ZBTB20: variants seen among roughly 807,000 people sequenced by gnomAD.
ZBTB20 encodes the protein zinc finger and BTB domain containing 20.
ZBTB20 carries 9 observed loss-of-function variants against 56.9 expected under a neutral mutation model. The ratio of observed to expected loss-of-function variants is 0.16; its 90% confidence interval spans 0.10 to 0.28. ZBTB20 has a LOEUF of 0.28. ZBTB20 is among the 10% of genes least tolerant of loss of function. The pLI is 1.00. For missense variants in ZBTB20, 655 were observed against 1,003.0 expected, an observed-to-expected ratio of 0.65 and a Z score of 4.69; for synonymous variants, 417 against 420.7, an observed-to-expected ratio of 0.99 and a Z score of 0.11.
chr3:114,613,533 G>C (rs1280652466), intron 6 of ZBTB20, among the ~76,000 whole-genome samples: 1 of 152,134 alleles, frequency 6.6e-6, no homozygotes, highest in Non-Finnish European at 1.5e-5. Flanking sequence ...AATAAGATGA[G>C]AGCAGCCAGA....
intron 4 of ZBTB20, among the ~76,000 whole-genome samples, chr3:114,869,704 C>A (rs1050368396): frequency 6.6e-6 from 1 of 152,172 alleles, no homozygotes; most frequent in African/African-American, 2.4e-5. Context: ...TCACAATAAA[C>A]TATATGTGTG....
At chr3:114,608,323 A>G (rs1347990922) in intron 6 of ZBTB20, among the ~76,000 whole-genome samples, 1 of 152,102 alleles carries the variant, frequency 6.6e-6, no homozygotes, top group African/African-American at 2.4e-5. Context: ...TATTTCCCAA[A>G]CTTCCCTAAT....
At chr3:115,145,984 C>T (rs2084953462) in intron 1 of ZBTB20, among the ~76,000 whole-genome samples, 1 of 152,144 alleles carries the variant, frequency 6.6e-6, no homozygotes, top group South Asian at 2.1e-4. Context: ...GGAAACTTGA[C>T]TTTAGCACCC....
chr3:115,064,321 C>CT (rs1324251751), intron 2 of ZBTB20, among the ~76,000 whole-genome samples: 1 of 151,734 alleles, frequency 6.6e-6, no homozygotes, highest in African/African-American at 2.4e-5. Flanking sequence ...CCGGAGAAAG[C>CT]AAGTGTGGGG....
At chr3:114,887,566 A>G (rs992123087) in intron 4 of ZBTB20, among the ~76,000 whole-genome samples, 1 of 152,198 alleles carries the variant, frequency 6.6e-6, no homozygotes, top group African/African-American at 2.4e-5. Context: ...AGATGAAGGC[A>G]GAGTTTGACG....
chr3:114,620,032 T>C (rs945552072), intron 6 of ZBTB20, among the ~76,000 whole-genome samples: 4 of 152,210 alleles, frequency 2.6e-5, no homozygotes, highest in African/African-American at 7.2e-5. Context: ...TAGGTAAGTC[T>C]GGTACTTTCT....
At chr3:114,461,457 C>T (rs933336935) in intron 7 of ZBTB20, among the ~76,000 whole-genome samples, 1 of 152,062 alleles carries the variant, frequency 6.6e-6, no homozygotes, top group Non-Finnish European at 1.5e-5. Flanking sequence ...CAGGTGTGTG[C>T]CACCATGCCA....
intron 4 of ZBTB20, among the ~76,000 whole-genome samples, chr3:114,869,855 A>G (rs2075918281): frequency 6.6e-6 from 1 of 152,218 alleles, no homozygotes; most frequent in Admixed American, 6.5e-5. Flanking sequence ...AAGTTTATGA[A>G]GTATGCATTC....
chr3:114,631,382 CTTTTTTTTTT>C (rs66470152), intron 6 of ZBTB20, among the ~76,000 whole-genome samples: 1,527 of 49,826 alleles, frequency 0.031, 41 homozygotes, highest in African/African-American at 0.11. Flanking sequence ...ATAGGTTATT[CTTTTTTTTTT>C]TTTTTTTTTT....
chr3:114,919,324 T>G (rs1308451370), intron 3 of ZBTB20, among the ~76,000 whole-genome samples: 1 of 152,028 alleles, frequency 6.6e-6, no homozygotes, highest in African/African-American at 2.4e-5. Context: ...AAAAAACCTC[T>G]AGTAGACACA....
At chr3:114,684,237 T>G (rs1432293886) in intron 6 of ZBTB20, among the ~76,000 whole-genome samples, 1 of 152,224 alleles carries the variant, frequency 6.6e-6, no homozygotes, top group Non-Finnish European at 1.5e-5. Flanking sequence ...TGTATTCATC[T>G]TCCCATATTT....
intron 3 of ZBTB20, among the ~76,000 whole-genome samples, chr3:114,955,093 G>C (rs1419808091): frequency 6.6e-6 from 1 of 152,160 alleles, no homozygotes; most frequent in Non-Finnish European, 1.5e-5. Context: ...TGCCCCTATG[G>C]TGCCCTGAAA....
intron 4 of ZBTB20, among the ~76,000 whole-genome samples, chr3:114,857,072 T>A (rs945069157): frequency 6.6e-6 from 1 of 152,166 alleles, no homozygotes; most frequent in Non-Finnish European, 1.5e-5. Flanking sequence ...TTCCACTTCC[T>A]GATTCTTTTC....
At chr3:114,807,600 G>A (rs538027950) in intron 4 of ZBTB20, among the ~76,000 whole-genome samples, 3 of 151,780 alleles carry the variant, frequency 2.0e-5, no homozygotes, top group East Asian at 1.9e-4. Context: ...GGAGTGTATC[G>A]GTCAGGTTTT....
intron 2 of ZBTB20, among the ~76,000 whole-genome samples, chr3:114,998,089 G>C (rs2079098401): frequency 2.0e-5 from 3 of 151,452 alleles, no homozygotes. Flanking sequence ...TTTTTATTTT[G>C]AAGTGATTAT....
chr3:114,434,285 G>A (rs940642844), intron 7 of ZBTB20, among the ~76,000 whole-genome samples: 11 of 152,044 alleles, frequency 7.2e-5, no homozygotes, highest in African/African-American at 2.7e-4. Context: ...TTTCAAAACA[G>A]CAAAAAATAC....
chr3:114,440,448 TAATTTTCCTGAAAA>T (rs1422572246), intron 7 of ZBTB20, among the ~76,000 whole-genome samples: 1 of 152,170 alleles, frequency 6.6e-6, no homozygotes, highest in Non-Finnish European at 1.5e-5. Context: ...ATGGGTAATG[TAATTTTCCTGAAAA>T]AAATTTCACT....
At chr3:114,869,527 C>T (rs1201347243) in intron 4 of ZBTB20, among the ~76,000 whole-genome samples, 1 of 152,044 alleles carries the variant, frequency 6.6e-6, no homozygotes. Flanking sequence ...TAAGTACTGT[C>T]TACCATAGGA....
At chr3:114,999,189 G>T (rs963946333) in intron 2 of ZBTB20, among the ~76,000 whole-genome samples, 1 of 145,324 alleles carries the variant, frequency 6.9e-6, no homozygotes, top group African/African-American at 2.5e-5. Context: ...AGGAAAGGAG[G>T]AAGGAAAGGA....
Sources: allele counts gnomAD v4.1 joint callset (sites outside exome capture counted in the v4.1 genomes callset), GRCh38; gene constraint gnomAD v4.1.1; transcripts MANE v1.5; gene names NCBI Gene and HGNC (gene_info 2026-07-23, HGNC 2026-07-21).